The following IDH3A variants were observed in gnomAD, a reference collection of about 807,000 sequenced individuals.
IDH3A encodes the protein isocitrate dehydrogenase (NAD(+)) 3 catalytic subunit alpha.
In IDH3A, 23 loss-of-function variants were observed where a neutral mutation model predicts 43.3. The ratio of observed to expected loss-of-function variants is 0.53; its 90% confidence interval spans 0.38 to 0.75. The LOEUF is 0.75. IDH3A is among the 30% of genes least tolerant of loss of function. IDH3A has a pLI of 0.00. For missense variants in IDH3A, 329 were observed against 474.4 expected (o/e 0.69, Z 2.85); for synonymous variants, 154 against 163.5 (o/e 0.94, Z 0.44).
Position 78,170,526 on chromosome 15 carries a change from A to C in IDH3A, c.*1521A>C, listed in dbSNP as rs1201763753. 6.6e-6 allele frequency: 1 copy of C among 152,166 alleles called. No individual in the cohort carries two copies. Among genetic ancestry groups the C allele is most frequent in the Non-Finnish European group, 1.5e-5 (1 of 68,036 alleles). 9.4% of individuals were successfully genotyped at this position (152,166 alleles called of 1,614,324 possible). On this transcript the variant is annotated 3_prime_UTR_variant, in exon 11 of 11. Coordinates refer to ENST00000299518, the MANE Select transcript of IDH3A (RefSeq NM_005530.3). ...AGTGGCTCTTGGGTTCAAAGTAATA[A>C]AGAATTCCAAAACTGAGATGTTTGC...
chr15:78,161,690 TA>T lies in IDH3A; in HGVS notation c.403del (p.Thr135ProfsTer6), dbSNP rs2074682724. 12 of 1,614,048 alleles carry T rather than the reference TA, an allele frequency of 7.4e-6. No homozygotes were observed. Among genetic ancestry groups the T allele is most frequent in the Non-Finnish European group, 1.0e-5 (12 of 1,180,000 alleles). On this transcript the variant is annotated frameshift_variant, in exon 5 of 11. Transcript: ENST00000299518. LOFTEE classifies it high-confidence loss of function. This position sits in a 1 kb window ranked among gnomAD's most constrained non-coding sequence, Gnocchi z 4.8. ...VRPCVSIEGY[K>X]TPYTDVNIVT... ...GACCATGTGTCTCTATCGAAGGCTA[TA>T]AAACCCCTTACACCGATGTAAATAT... is the stretch of plus-strand genomic sequence containing the variant.
intron 3 of IDH3A, among the ~76,000 whole-genome samples, chr15:78,159,759 A>T (rs1405262866): frequency 6.6e-6 from 1 of 152,098 alleles, no homozygotes; most frequent in Non-Finnish European, 1.5e-5. Flanking sequence ...GGGAGGCCGA[A>T]GTGGGCAGAT....
At chr15:78,151,803 A>ATT (rs2074578171) in intron 1 of IDH3A, among the ~76,000 whole-genome samples, 1 of 151,862 alleles carries the variant, frequency 6.6e-6, no homozygotes, top group Non-Finnish European at 1.5e-5. Context: ...TGAGATATAT[A>ATT]TATATATATG....
intron 5 of IDH3A, among the ~76,000 whole-genome samples, 195 bp from the exon 6 acceptor site, chr15:78,162,039 A>G (rs2074685773): frequency 1.3e-5 from 2 of 152,182 alleles, no homozygotes; most frequent in Non-Finnish European, 2.9e-5. Flanking sequence ...TCATCTGTGC[A>G]GTGGGGCTCA....
rs145524033 is a variant in IDH3A, at chr15:78,165,524, CAT to C, written c.864+457_864+458del. Among the ~76,000 whole-genome samples the C allele has an allele frequency of 1.6e-3, 244 of 152,020 alleles. 2 individuals carry two copies. The highest frequency in any genetic ancestry group is 5.1e-3 in the African/African-American group (211 of 41,464). The stretch of plus-strand genomic sequence containing the variant: ...GTTTTTATATACACCCATATATAAA[CAT>C]ATATATATGTTTGGTTTATCTCTTC... On this transcript the variant is annotated intron_variant, in intron 9 of 10. Coordinates refer to ENST00000299518, the MANE Select transcript of IDH3A (RefSeq NM_005530.3).
chr15:78,159,604 G>T (rs1464387959), intron 3 of IDH3A, among the ~76,000 whole-genome samples: 2 of 152,190 alleles, frequency 1.3e-5, no homozygotes. Flanking sequence ...CACAGATAAT[G>T]TAGAGAATCC....
chr15:78,151,544 G>C (rs1230156160), intron 1 of IDH3A: 1 of 150,890 alleles, frequency 6.6e-6, no homozygotes, highest in Non-Finnish European at 1.5e-5. Flanking sequence ...CTCCTACCTG[G>C]GTAACAGCAA....
At chr15:78,164,518 A>C (rs962985563) in intron 8 of IDH3A, among the ~76,000 whole-genome samples, 3 of 151,878 alleles carry the variant, frequency 2.0e-5, no homozygotes, top group Admixed American at 2.0e-4. Context: ...CACCTGGCTA[A>C]TTTTTGTATT....
intron 2 of IDH3A, 71 bp downstream of exon 2, chr15:78,155,346 T>G: frequency 4.9e-6 from 5 of 1,029,408 alleles, no homozygotes; most frequent in Non-Finnish European, 7.4e-6. Flanking sequence ...ACATATTTAT[T>G]ATATAGCATT....
At chr15:78,166,593 C>T (rs1202689657) in intron 10 of IDH3A, 10 of 348,594 alleles carry the variant, frequency 2.9e-5, no homozygotes, top group South Asian at 6.4e-5. Context: ...ATCAGGTGCA[C>T]GCCCAATTAT....
rs1481039457 is a variant in IDH3A at position 78,169,078 on chromosome 15, G to A, written c.*73G>A. ...ATGAACCTCTGTTTAGAATACCTAC[G>A]TATGTATGCATTGGTTTGCTTGTTT... On this transcript the variant is annotated 3_prime_UTR_variant, in exon 11 of 11. Coordinates refer to ENST00000299518, the MANE Select transcript of IDH3A (RefSeq NM_005530.3). 33 of 862,338 alleles carry A rather than the reference G, an allele frequency of 3.8e-5. No individual in the cohort carries two copies. The highest frequency in any genetic ancestry group is 5.6e-5 in the Non-Finnish European group (30 of 536,940). The allele number at this position is 862,338 out of a possible 1,614,324, so 53.4% of individuals were successfully genotyped here.
rs1292466827 is a variant in IDH3A, at chr15:78,171,482, C to T, written c.*2477C>T. On this transcript the variant is annotated 3_prime_UTR_variant, in exon 11 of 11. Transcript: ENST00000299518. ...TCTTGGTAAAAGGAGTCAATGATAC[C>T]TTTGTACTTCTCCAAAACTGTGAGC... 3.7e-6 allele frequency: 6 copies of T among 1,614,032 alleles called. No homozygotes were observed. The African/African-American group carries it at 6.7e-5, about 18-fold the overall frequency.
chr15:78,168,912 CT>C lies in IDH3A; in HGVS notation c.1018-6del. 3 of 1,570,822 alleles carry C rather than the reference CT, an allele frequency of 1.9e-6. No individual in the cohort carries two copies. Among genetic ancestry groups the C allele is most frequent in the South Asian group, 1.1e-5 (1 of 87,586 alleles). ...ATACATCTTTTATTTTTGCTTTTTC[CT>C]TTTCTCAGAGCTTGACAAAAGATTT... On this transcript the variant is annotated splice_polypyrimidine_tract_variant and intron_variant, in intron 10 of 10. Transcript: ENST00000299518.
At chr15:78,150,058 C>T (rs1366957097) in intron 1 of IDH3A, among the ~76,000 whole-genome samples, 1 of 152,242 alleles carries the variant, frequency 6.6e-6, no homozygotes, top group Non-Finnish European at 1.5e-5. Context: ...GGGCATCTTA[C>T]ACCTCGGAAT....
At position 78,155,282 on chromosome 15, in the gene IDH3A, A is replaced by G. The variant is rs755649885; in HGVS notation, c.90+7A>G. 5.0e-6 allele frequency: 8 copies of G among 1,599,488 alleles called. No individual in the cohort carries two copies. The highest frequency in any genetic ancestry group is 6.9e-6 in the Non-Finnish European group (8 of 1,167,874). ...CAGAGGTTTTACTGGTGGTGTGAGT[A>G]TAATTATGTCTTTTATTTTTTCCTT... On this transcript the variant is annotated splice_region_variant and intron_variant, in intron 2 of 10. Transcript: ENST00000299518.
At position 78,171,160 on chromosome 15, in the gene IDH3A, A is replaced by AT. The variant is rs751840285; in HGVS notation, c.*2157dup. The AT allele has an allele frequency of 7.3e-6, 2 of 273,978 alleles. No individual in the cohort carries two copies. Among genetic ancestry groups the AT allele is most frequent in the Non-Finnish European group, 1.4e-5 (2 of 142,344 alleles). The allele number at this position is 273,978 out of a possible 1,614,324, so 17.0% of individuals were successfully genotyped here. On this transcript the variant is annotated 3_prime_UTR_variant, in exon 11 of 11. Coordinates refer to ENST00000299518, the MANE Select transcript of IDH3A (RefSeq NM_005530.3). The stretch of plus-strand genomic sequence containing the variant: ...AATCTACCTGGAACTAAGGCCAAAA[A>AT]TTATCAGCCCTTTCGTTCTGGAAGG...
intron 9 of IDH3A, among the ~76,000 whole-genome samples, chr15:78,165,706 TGAGCTAGGGCC>T (rs1044116728): frequency 3.3e-5 from 5 of 152,102 alleles, no homozygotes; most frequent in African/African-American, 1.2e-4. Context: ...TATTTATTTT[TGAGCTAGGGCC>T]TTGTTCTGTC....
At chr15:78,155,503 T>C in intron 2 of IDH3A, 2 of 371,516 alleles carry the variant, frequency 5.4e-6, no homozygotes, top group Non-Finnish European at 9.7e-6. Flanking sequence ...GTCACATTAA[T>C]ATCTTGAGGG....
intron 2 of IDH3A, chr15:78,156,816 T>C (rs1293527356): frequency 9.8e-7 from 1 of 1,020,940 alleles, no homozygotes; most frequent in Non-Finnish European, 1.4e-6. Flanking sequence ...GAATAAATCA[T>C]TGCTGTTACA....
Sources: allele counts gnomAD v4.1 joint callset (sites outside exome capture counted in the v4.1 genomes callset), GRCh38; gene constraint gnomAD v4.1.1; non-coding constraint Gnocchi (gnomAD v3.1); transcripts MANE v1.5; gene names NCBI Gene and HGNC (gene_info 2026-07-23, HGNC 2026-07-21).